MACROD1: variants seen among roughly 807,000 people sequenced by gnomAD.
MACROD1 encodes the protein ADP-ribose glycohydrolase MACROD1.
A neutral mutation model predicts 41.4 loss-of-function variants in MACROD1; 31 were observed. The observed-to-expected ratio is 0.75, with a 90% CI of 0.56 to 1.01. The LOEUF is 1.01. MACROD1 is among the 50% of genes least tolerant of loss of function. The probability of loss-of-function intolerance (pLI) is 0.00; values close to 1 mark genes in which losing one functional copy is unlikely to be tolerated. For synonymous variants in MACROD1, 252 were observed against 203.4 expected, an observed-to-expected ratio of 1.24 and a Z score of -2.03; for missense variants, 473 against 460.0, an observed-to-expected ratio of 1.03 and a Z score of -0.26.
At chr11:64,063,728 C>A (rs560490799) in intron 3 of MACROD1, among the ~76,000 whole-genome samples, 2 of 152,202 alleles carry the variant, frequency 1.3e-5, no homozygotes, top group Non-Finnish European at 2.9e-5. Flanking sequence ...CCTACTCCCC[C>A]CTCCATGGGC....
intron 3 of MACROD1, among the ~76,000 whole-genome samples, chr11:64,114,031 G>A (rs1944918906): frequency 1.3e-5 from 2 of 148,728 alleles, no homozygotes; most frequent in Non-Finnish European, 3.0e-5. Context: ...TGGATGGATG[G>A]ACAGGTGGAT....
chr11:64,050,449 C>T (rs926545242), intron 3 of MACROD1, among the ~76,000 whole-genome samples: 22 of 152,216 alleles, frequency 1.4e-4, no homozygotes, highest in Non-Finnish European at 2.5e-4. Flanking sequence ...CCCAGATGCC[C>T]GGGCACTGCT....
intron 3 of MACROD1, among the ~76,000 whole-genome samples, chr11:64,149,746 C>T (rs1945547909): frequency 6.6e-6 from 1 of 152,246 alleles, no homozygotes; most frequent in Admixed American, 6.5e-5. Flanking sequence ...TACCCACTGG[C>T]CTGCCTGACT....
chr11:64,138,316 G>A (rs1318405476), intron 3 of MACROD1, among the ~76,000 whole-genome samples: 2 of 152,188 alleles, frequency 1.3e-5, no homozygotes, highest in South Asian at 2.1e-4. Flanking sequence ...CTCCTCCCGC[G>A]CAAACATACC....
intron 3 of MACROD1, among the ~76,000 whole-genome samples, chr11:64,051,442 C>G (rs1357925405): frequency 6.6e-6 from 1 of 152,192 alleles, no homozygotes; most frequent in African/African-American, 2.4e-5. Context: ...CCCACCCTCC[C>G]CAGGGTGGCA....
In MACROD1 at chr11:64,165,845, CACGCCCAGGA is replaced by C; in HGVS notation, c.140_149del (p.Phe47CysfsTer40). On this transcript the variant is annotated frameshift_variant, in exon 1 of 11. Transcript: ENST00000255681. LOFTEE classifies it high-confidence loss of function. ...CCGAGGTCCGCGCACGGCGGCCGAA[CACGCCCAGGA>C]ACGCCGGGGGACCGCACGTGCTGCT... 4 of 1,474,758 alleles carry C rather than the reference CACGCCCAGGA, an allele frequency of 2.7e-6. No individual in the cohort carries two copies. The highest frequency in any genetic ancestry group is 3.6e-6 in the Non-Finnish European group (4 of 1,114,580). The allele number at this position is 1,474,758 out of a possible 1,614,324, so 91.4% of individuals were successfully genotyped here. A position where few individuals can be genotyped will look rare whatever the true frequency, so the allele number is the denominator to read the frequency against.
intron 3 of MACROD1, among the ~76,000 whole-genome samples, chr11:64,018,471 C>G (rs1376985280): frequency 6.6e-6 from 1 of 152,178 alleles, no homozygotes; most frequent in Non-Finnish European, 1.5e-5. Context: ...CGGAGGCTTG[C>G]AGAGAAGAGC....
chr11:64,095,852 C>A (rs542624652), intron 3 of MACROD1, among the ~76,000 whole-genome samples: 1 of 152,064 alleles, frequency 6.6e-6, no homozygotes, highest in African/African-American at 2.4e-5. Context: ...TGGAGGAGCG[C>A]GAGGCTGAGG....
At chr11:64,116,024 C>T (rs536063543) in intron 3 of MACROD1, among the ~76,000 whole-genome samples, 1 of 152,316 alleles carries the variant, frequency 6.6e-6, no homozygotes, top group South Asian at 2.1e-4. Flanking sequence ...TTGTTAGAGT[C>T]CGACCTCGGC....
intron 3 of MACROD1, among the ~76,000 whole-genome samples, chr11:64,128,497 C>T (rs1178429305): frequency 2.0e-5 from 3 of 152,092 alleles, no homozygotes; most frequent in Non-Finnish European, 2.9e-5. Context: ...ACAGAGGACG[C>T]TTCCACGGAT....
At chr11:64,088,444 C>T (rs141862780) in intron 3 of MACROD1, among the ~76,000 whole-genome samples, 1 of 152,160 alleles carries the variant, frequency 6.6e-6, no homozygotes, top group East Asian at 1.9e-4. Flanking sequence ...CCTGCAGGTG[C>T]GGCTGTGGGC....
intron 3 of MACROD1, among the ~76,000 whole-genome samples, chr11:64,128,208 G>A (rs558366832): frequency 2.0e-5 from 3 of 152,132 alleles, no homozygotes; most frequent in Non-Finnish European, 4.4e-5. Flanking sequence ...CCCAGGAAAG[G>A]ACCCAGGCTG....
In MACROD1 at chr11:64,079,047, C is replaced by T. The variant is rs928895644; in HGVS notation, c.518-63766G>A. ...CTGGGTTCCCAGGGGCTTGCTGAGC[C>T]GCTGTGCGGACAGACCGGGGGCGGT... On this transcript the variant is annotated intron_variant, in intron 3 of 10. Coordinates refer to ENST00000255681, the MANE Select transcript of MACROD1 (RefSeq NM_014067.4). Among the ~76,000 whole-genome samples, 7 of 146,770 alleles carry T rather than the reference C, an allele frequency of 4.8e-5. No homozygotes were observed. In the South Asian group the frequency reaches 8.9e-4, roughly 19 times the overall value.
chr11:64,000,020 C>T, intron 5 of MACROD1: 1 of 633,966 alleles, frequency 1.6e-6, no homozygotes, highest in Non-Finnish European at 2.7e-6. Flanking sequence ...GGCGTTGCCC[C>T]CCAGCTCCAT....
Position 64,165,701 on chromosome 11 carries a change from C to T in MACROD1, c.294G>A (p.Ala98=). 2.1e-6 allele frequency: 3 copies of T among 1,448,920 alleles called. No individual in the cohort carries two copies. Among genetic ancestry groups the T allele is most frequent in the Non-Finnish European group, 2.7e-6 (3 of 1,097,816 alleles). The allele number at this position is 1,448,920 out of a possible 1,614,324, so 89.8% of individuals were successfully genotyped here. ...CCCCCTCGTGCTTACACTTACATTT[C>T]GCCTCCTTCCAGTCGGTGGAGGTGC... is the stretch of plus-strand genomic sequence containing the variant. The part of the protein sequence containing the change: ...DLSTSTDWKE[A]KSFLKGLSDK... The change falls in exon 1 of 11, where the codon GCG becomes GCA. Residue 98 remains alanine (A), a synonymous_variant. Transcript: ENST00000255681.
intron 3 of MACROD1, chr11:64,138,540 G>A (rs1259612645): frequency 8.1e-6 from 8 of 985,404 alleles, no homozygotes; most frequent in African/African-American, 1.7e-5. Context: ...TGTTTAAACC[G>A]TACCTGAAAT....
At chr11:64,132,710 C>G (rs1945282682) in intron 3 of MACROD1, among the ~76,000 whole-genome samples, 1 of 152,166 alleles carries the variant, frequency 6.6e-6, no homozygotes, top group African/African-American at 2.4e-5. Flanking sequence ...TGGCTCTTCC[C>G]CATGTGACCA....
rs117914019 is a variant in MACROD1, at chr11:64,044,486, C to T, written c.518-29205G>A. Among the ~76,000 whole-genome samples, 8 of 152,178 alleles carry T rather than the reference C, an allele frequency of 5.3e-5. No individual in the cohort carries two copies. The East Asian group carries it at 9.7e-4, about 18-fold the overall frequency. The stretch of plus-strand genomic sequence containing the variant: ...CTGGCCTTGAACTCCTGGCCTCAAG[C>T]GATCCTCCCGCCTTGGCCTCCTGAT... On this transcript the variant is annotated intron_variant, in intron 3 of 10. Coordinates refer to ENST00000255681, the MANE Select transcript of MACROD1 (RefSeq NM_014067.4).
chr11:64,070,012 G>A (rs1944077492), intron 3 of MACROD1, among the ~76,000 whole-genome samples: 1 of 152,160 alleles, frequency 6.6e-6, no homozygotes, highest in South Asian at 2.1e-4. Context: ...GGGACAGGCG[G>A]GGATGGTGAG....
Sources: allele counts gnomAD v4.1 joint callset (sites outside exome capture counted in the v4.1 genomes callset), GRCh38; gene constraint gnomAD v4.1.1; transcripts MANE v1.5; gene names NCBI Gene and HGNC (gene_info 2026-07-23, HGNC 2026-07-21).